The following POT1 variants were observed in gnomAD, a reference collection of about 807,000 sequenced individuals.
The protein encoded by POT1 is protection of telomeres protein 1.
Under a neutral mutation model 78.5 loss-of-function variants are expected in POT1, and 47 were observed. That is an observed-to-expected ratio of 0.60 (90% CI 0.47 to 0.76). The LOEUF is 0.76. Ranked by LOEUF, POT1 falls within the 30% of genes least tolerant of loss-of-function variation. The pLI is 0.00. For missense variants in POT1, 646 were observed against 749.9 expected (o/e 0.86, Z 1.62); for synonymous variants, 259 against 260.7 (o/e 0.99, Z 0.06).
At chr7:124,825,105 C>G (rs572702236) in intron 18 of POT1, 147 bp downstream of exon 18, 1 of 431,758 alleles carries the variant, frequency 2.3e-6, no homozygotes, top group East Asian at 3.5e-5. Context: ...CTCTCTTCAT[C>G]AAAGGTTGAT....
At chr7:124,840,479 A>G (rs1464281260) in intron 14 of POT1, among the ~76,000 whole-genome samples, 1 of 152,092 alleles carries the variant, frequency 6.6e-6, no homozygotes, top group Admixed American at 6.5e-5. Context: ...GATAAAAATT[A>G]GATGAAAATG....
intron 15 of POT1, among the ~76,000 whole-genome samples, chr7:124,834,880 G>A (rs1244531777): frequency 6.6e-6 from 1 of 152,206 alleles, no homozygotes; most frequent in Admixed American, 6.5e-5. Flanking sequence ...TTAAGAAAAT[G>A]TGGCACATAC....
intron 8 of POT1, among the ~76,000 whole-genome samples, chr7:124,859,375 T>C (rs904785606): frequency 3.3e-5 from 5 of 152,136 alleles, no homozygotes; most frequent in Admixed American, 1.3e-4. Flanking sequence ...AAGTGCTTTA[T>C]ACAATAAAAA....
chr7:124,868,045 A>AAATG (rs1795774565), intron 7 of POT1, among the ~76,000 whole-genome samples: 1 of 152,224 alleles, frequency 6.6e-6, no homozygotes, highest in South Asian at 2.1e-4. Flanking sequence ...TACAATAAAT[A>AAATG]AATAAATAAA....
At position 124,851,236 on chromosome 7, in the gene POT1, G is replaced by A. The variant is rs572321352; in HGVS notation, c.949+636C>T. Among the ~76,000 whole-genome samples the A allele has an allele frequency of 2.6e-5, 4 of 152,282 alleles. No homozygotes were observed. The East Asian group carries it at 7.7e-4, about 29-fold the overall frequency. On this transcript the variant is annotated intron_variant, in intron 11 of 18. Coordinates refer to ENST00000357628, the MANE Select transcript of POT1 (RefSeq NM_015450.3). Reference sequence around the variant, plus strand: ...GGATATCACTTGAGCCCAGGAGTTTGAAGCCGCAGTGAGCTATGGTCCTAT... The same window carrying A: ...GGATATCACTTGAGCCCAGGAGTTTAAAGCCGCAGTGAGCTATGGTCCTAT...
intron 15 of POT1, among the ~76,000 whole-genome samples, chr7:124,831,064 C>T (rs1044941129): frequency 6.6e-6 from 1 of 152,128 alleles, no homozygotes; most frequent in Non-Finnish European, 1.5e-5. Flanking sequence ...GCTGCTTAAA[C>T]ACACTAGACA....
At chr7:124,847,852 C>A (rs1795208789) in intron 11 of POT1, among the ~76,000 whole-genome samples, 1 of 152,178 alleles carries the variant, frequency 6.6e-6, no homozygotes, top group Non-Finnish European at 1.5e-5. Flanking sequence ...AAAATGCATA[C>A]TTCACACTAT....
chr7:124,904,700 C>G (rs542485527), intron 3 of POT1, among the ~76,000 whole-genome samples: 1 of 152,200 alleles, frequency 6.6e-6, no homozygotes, highest in African/African-American at 2.4e-5. Context: ...AACAGGAAGT[C>G]AAATTGTCCC....
intron 6 of POT1, among the ~76,000 whole-genome samples, chr7:124,878,659 C>T (rs1796046787): frequency 6.6e-6 from 1 of 151,960 alleles, no homozygotes; most frequent in African/African-American, 2.4e-5. Context: ...TACACAACTA[C>T]ATATTTATAT....
intron 6 of POT1, among the ~76,000 whole-genome samples, chr7:124,878,263 C>T (rs1225779219): frequency 2.6e-5 from 4 of 151,862 alleles, no homozygotes; most frequent in Non-Finnish European, 5.9e-5. Context: ...ACCCAGGAGG[C>T]AGAGGTTGTA....
At chr7:124,912,039 C>G (rs1426257473) in intron 3 of POT1, among the ~76,000 whole-genome samples, 1 of 152,120 alleles carries the variant, frequency 6.6e-6, no homozygotes, top group African/African-American at 2.4e-5. Flanking sequence ...AGATTAGAAG[C>G]TAAACTACTG....
chr7:124,916,481 G>C (rs1309389769), intron 2 of POT1, among the ~76,000 whole-genome samples: 1 of 151,830 alleles, frequency 6.6e-6, no homozygotes, highest in Non-Finnish European at 1.5e-5. Flanking sequence ...GAGGTCACAG[G>C]GCAACCAACT....
intron 7 of POT1, among the ~76,000 whole-genome samples, chr7:124,867,359 C>T (rs1795754093): frequency 1.3e-5 from 2 of 152,064 alleles, no homozygotes; most frequent in South Asian, 4.1e-4. Flanking sequence ...ATTTAAAACC[C>T]TCTAATGACT....
Position 124,842,799 on chromosome 7 carries a change from A to C in POT1, c.1163+8T>G. ...GAAAACGTTTGTTTTATTATGGAAA[A>C]TACTCACAGCAAATGACATTTAGGG... On this transcript the variant is annotated splice_region_variant and intron_variant, in intron 13 of 18. Transcript: ENST00000357628. 6.3e-7 allele frequency: 1 copy of C among 1,589,842 alleles called. No individual in the cohort carries two copies.
intron 17 of POT1, 129 bp downstream of exon 17, chr7:124,827,085 C>G: frequency 2.4e-6 from 1 of 412,422 alleles, no homozygotes; most frequent in East Asian, 4.0e-5. Context: ...GATTTATGTG[C>G]TCATATTTTA....
chr7:124,908,557 C>A (rs946183862), intron 3 of POT1, among the ~76,000 whole-genome samples: 8 of 151,826 alleles, frequency 5.3e-5, no homozygotes, highest in African/African-American at 1.9e-4. Flanking sequence ...AATCTATAAC[C>A]CAAGTATCCC....
intron 7 of POT1, among the ~76,000 whole-genome samples, chr7:124,866,865 G>C (rs1290604012): frequency 1.3e-5 from 2 of 152,208 alleles, no homozygotes; most frequent in African/African-American, 4.8e-5. Context: ...TAACACAGAA[G>C]TTCGCTCTGC....
intron 8 of POT1, among the ~76,000 whole-genome samples, chr7:124,863,020 A>G (rs771460228): frequency 7.2e-5 from 11 of 152,170 alleles, no homozygotes; most frequent in Admixed American, 1.3e-4. Flanking sequence ...ACAGGGAAAC[A>G]GAAATATTCA....
At chr7:124,879,052 A>G (rs1796057056) in intron 6 of POT1, among the ~76,000 whole-genome samples, 1 of 152,164 alleles carries the variant, frequency 6.6e-6, no homozygotes, top group African/African-American at 2.4e-5. Context: ...CCATAGTATA[A>G]AACATTTATA....
Sources: allele counts gnomAD v4.1 joint callset (sites outside exome capture counted in the v4.1 genomes callset), GRCh38; gene constraint gnomAD v4.1.1; transcripts MANE v1.5; gene names NCBI Gene and HGNC (gene_info 2026-07-23, HGNC 2026-07-21).